The following PPP2R2C variants were observed in gnomAD, a reference collection of about 807,000 sequenced individuals.
PPP2R2C encodes the protein protein phosphatase 2 regulatory subunit Bgamma, also known as protein phosphatase 2, regulatory subunit B, gamma.
PPP2R2C carries 10 observed loss-of-function variants against 45.3 expected under a neutral mutation model. That is an observed-to-expected ratio of 0.22 (90% CI 0.14 to 0.37). The LOEUF (loss-of-function observed/expected upper bound fraction) is 0.37. PPP2R2C is among the 10% of genes least tolerant of loss of function. PPP2R2C has a pLI of 1.00. For missense variants in PPP2R2C, 308 were observed against 619.7 expected (o/e 0.50, Z 5.34); for synonymous variants, 257 against 245.4 (o/e 1.05, Z -0.44).
chr4:6,355,993 GAAAAAAAA>G (rs61011461), intron 5 of PPP2R2C, among the ~76,000 whole-genome samples: 33 of 97,880 alleles, frequency 3.4e-4, no homozygotes, highest in African/African-American at 6.2e-4. Context: ...ACTCTGCCTG[GAAAAAAAA>G]AAAAAAAAAA....
chr4:6,452,258 T>C (rs13120740), intron 1 of PPP2R2C, among the ~76,000 whole-genome samples: 44,010 of 151,976 alleles, frequency 0.29, 6,816 homozygotes, highest in Non-Finnish European at 0.36. Context: ...CACCGCAGGT[T>C]CCCATCAGCT....
At chr4:6,352,509 A>T (rs1712665428) in intron 5 of PPP2R2C, among the ~76,000 whole-genome samples, 1 of 152,144 alleles carries the variant, frequency 6.6e-6, no homozygotes, top group African/African-American at 2.4e-5. Context: ...TGAATTATTC[A>T]TCTTCTGTTT....
chr4:6,410,840 GTTTTATTTATTTATTT>G (rs1220405571), intron 1 of PPP2R2C, among the ~76,000 whole-genome samples: 6 of 132,972 alleles, frequency 4.5e-5, no homozygotes, highest in African/African-American at 1.6e-4. Context: ...TATTCCCCCT[GTTTTATTTATTTATTT>G]ATTTATTTAT....
At chr4:6,525,910 G>T (rs1023669215) in intron 2 of PPP2R2C, among the ~76,000 whole-genome samples, 2 of 151,946 alleles carry the variant, frequency 1.3e-5, no homozygotes, top group Non-Finnish European at 2.9e-5. Flanking sequence ...CACCATGTTG[G>T]CCAGGCTGGT....
chr4:6,349,117 G>A lies in PPP2R2C; in HGVS notation c.626-1107C>T, dbSNP rs767981431. On this transcript the variant is annotated intron_variant, in intron 5 of 8. Transcript: ENST00000382599. ...GACTGGCACCCCCGAGCTTCTCTCC[G>A]GCTTTCCAGCTTCAGATCCCACCCA... The A allele has an allele frequency of 1.6e-4, 156 of 985,194 alleles. 1 individual carries two copies. Among genetic ancestry groups the A allele is most frequent in the South Asian group, 3.8e-4 (8 of 21,280 alleles). The allele number at this position is 985,194 out of a possible 1,614,324, so 61.0% of individuals were successfully genotyped here. A position where few individuals can be genotyped will look rare whatever the true frequency, so the allele number is the denominator to read the frequency against.
rs545396884 is a variant in PPP2R2C at position 6,331,741 on chromosome 4, G to C, written c.960+1821C>G. ...GTGGAAAACCAACGCCCAAATGATG[G>C]TGGACTGGATCACAGAAGGAACCAC... On this transcript the variant is annotated intron_variant, in intron 7 of 8. Transcript: ENST00000382599. This position sits in a 1 kb window ranked among gnomAD's most constrained non-coding sequence, Gnocchi z 5.9. 2.0e-5 allele frequency among the ~76,000 whole-genome samples: 3 copies of C among 152,278 alleles called. No homozygotes were observed. In the South Asian group the frequency reaches 6.2e-4, roughly 32 times the overall value.
At chr4:6,336,974 G>A (rs1213953544) in intron 6 of PPP2R2C, among the ~76,000 whole-genome samples, 8 of 102,398 alleles carry the variant, frequency 7.8e-5, no homozygotes, top group African/African-American at 1.4e-4. Context: ...GGATGGGTAC[G>A]GTAGGGGTAG....
At chr4:6,555,244 G>A (rs1725355826) in intron 1 of PPP2R2C, among the ~76,000 whole-genome samples, 1 of 152,156 alleles carries the variant, frequency 6.6e-6, no homozygotes, top group African/African-American at 2.4e-5. Context: ...GTAGATTTCA[G>A]CACAGGACTA....
intron 5 of PPP2R2C, 51 bp downstream of exon 5, chr4:6,372,472 G>A (rs528192251): frequency 3.0e-5 from 47 of 1,572,006 alleles, no homozygotes; most frequent in Admixed American, 1.9e-4. Context: ...ACCACCCAAC[G>A]GAAGCTACTC....
chr4:6,480,142 T>A (rs1722300385), intron 2 of PPP2R2C, among the ~76,000 whole-genome samples: 1 of 152,226 alleles, frequency 6.6e-6, no homozygotes, highest in Admixed American at 6.5e-5. Context: ...AGTGCTTTCT[T>A]CCTATTTATG....
At chr4:6,349,033 C>A (rs1712281662) in intron 5 of PPP2R2C, 1 of 985,204 alleles carries the variant, frequency 1.0e-6, no homozygotes, top group African/African-American at 1.7e-5. Flanking sequence ...AGCACCTGCT[C>A]TTTTCCTATC....
chr4:6,526,257 G>A (rs1440331291), intron 2 of PPP2R2C, among the ~76,000 whole-genome samples: 3 of 152,178 alleles, frequency 2.0e-5, no homozygotes, highest in African/African-American at 4.8e-5. Context: ...CATATACTTA[G>A]CTAACCCGTT....
chr4:6,474,293 A>T (rs914970553), upstream of PPP2R2C, among the ~76,000 whole-genome samples: 3 of 151,714 alleles, frequency 2.0e-5, no homozygotes, highest in African/African-American at 7.3e-5. Context: ...TGGGAGAAAG[A>T]CAGGCTGGGT....
chr4:6,542,695 T>G (rs1398740399), intron 1 of PPP2R2C, among the ~76,000 whole-genome samples: 1 of 6,340 alleles, frequency 1.6e-4, no homozygotes, highest in Non-Finnish European at 9.0e-4. Context: ...AGAGCAAGAC[T>G]CTGTCTCAAA....
chr4:6,340,170 A>G (rs1366582536), intron 6 of PPP2R2C, among the ~76,000 whole-genome samples: 5 of 151,552 alleles, frequency 3.3e-5, no homozygotes, highest in Non-Finnish European at 7.4e-5. Flanking sequence ...CAAACAAAAA[A>G]CTCAAGCCCA....
chr4:6,554,979 A>C (rs11726600), intron 1 of PPP2R2C, among the ~76,000 whole-genome samples: 6 of 125,492 alleles, frequency 4.8e-5, no homozygotes, highest in African/African-American at 1.3e-4. Flanking sequence ...GAAAGAAAGA[A>C]AAGAGAAGAG....
At chr4:6,372,167 C>T (rs1049073739) in intron 5 of PPP2R2C, among the ~76,000 whole-genome samples, 1 of 152,194 alleles carries the variant, frequency 6.6e-6, no homozygotes, top group African/African-American at 2.4e-5. Flanking sequence ...GGCCCCGAGG[C>T]GCCTTCAGTG....
intron 2 of PPP2R2C, among the ~76,000 whole-genome samples, chr4:6,524,470 G>GA (rs530365526): frequency 8.5e-4 from 129 of 152,306 alleles, no homozygotes; most frequent in Non-Finnish European, 1.5e-3. Context: ...AACGATTCAC[G>GA]AATCAGCTGC....
intron 2 of PPP2R2C, among the ~76,000 whole-genome samples, chr4:6,516,332 G>A (rs1175599147): frequency 6.6e-6 from 1 of 152,210 alleles, no homozygotes; most frequent in African/African-American, 2.4e-5. Flanking sequence ...AGAGGATGAT[G>A]ACAAGGACTG....
Sources: allele counts gnomAD v4.1 joint callset (sites outside exome capture counted in the v4.1 genomes callset), GRCh38; gene constraint gnomAD v4.1.1; non-coding constraint Gnocchi (gnomAD v3.1); transcripts MANE v1.5; gene names NCBI Gene and HGNC (gene_info 2026-07-23, HGNC 2026-07-21).